CEP120: variants seen among roughly 807,000 people sequenced by gnomAD.
CEP120 encodes the protein centrosomal protein 120.
In CEP120, 113 loss-of-function variants were observed where a neutral mutation model predicts 126.5. That is an observed-to-expected ratio of 0.89 (90% CI 0.77 to 1.04). The LOEUF (loss-of-function observed/expected upper bound fraction) is 1.04, where lower values mean the gene tolerates loss of function less well. Among genes scored for constraint, CEP120 ranks in the 50% least tolerant of loss-of-function variants. CEP120 has a pLI of 0.00. For synonymous variants in CEP120, 400 were observed against 394.3 expected, an observed-to-expected ratio of 1.01 and a Z score of -0.17; for missense variants, 1,230 against 1,155.7, an observed-to-expected ratio of 1.06 and a Z score of -0.93.
chr5:123,386,680 A>T lies in CEP120; in HGVS notation c.1431-13T>A, dbSNP rs1284785591. On this transcript the variant is annotated splice_polypyrimidine_tract_variant and intron_variant, in intron 9 of 19. Transcript: ENST00000306467. ...TGGATATGAGTACCTAGAATTTAAA[A>T]AAAAAAAAAAAAAAAAAAGCCTTAA... 1.5e-5 allele frequency: 20 copies of T among 1,298,408 alleles called. No individual in the cohort carries two copies. In the African/African-American group the frequency reaches 2.5e-4, roughly 16 times the overall value. The allele number at this position is 1,298,408 out of a possible 1,614,324, so 80.4% of individuals were successfully genotyped here.
rs1233870218 is a variant in CEP120 at position 123,344,928 on chromosome 5, A to T, written c.*1591T>A. On this transcript the variant is annotated 3_prime_UTR_variant, in exon 20 of 20. Transcript: ENST00000306467. Reference sequence around the variant, plus strand: ...ATGATTTTATTTGTTAAGTTACAATAGCCAAAAGAGCTTTACAAAAGGCAA... The same window carrying T: ...ATGATTTTATTTGTTAAGTTACAATTGCCAAAAGAGCTTTACAAAAGGCAA... The T allele has an allele frequency of 6.6e-6, 1 of 152,192 alleles. No homozygotes were observed. Among genetic ancestry groups the T allele is most frequent in the African/African-American group, 2.4e-5 (1 of 41,456 alleles). 9.4% of individuals were successfully genotyped at this position (152,192 alleles called of 1,614,324 possible).
chr5:123,378,974 T>A (rs1027448353), intron 14 of CEP120, among the ~76,000 whole-genome samples: 2 of 150,982 alleles, frequency 1.3e-5, no homozygotes, highest in Non-Finnish European at 2.9e-5. Flanking sequence ...GAATCTAGCA[T>A]GAAAATTAGG....
intron 4 of CEP120, chr5:123,402,078 G>A (rs994577871): frequency 3.2e-6 from 5 of 1,583,860 alleles, no homozygotes; most frequent in East Asian, 2.2e-5. Flanking sequence ...CTTCTCCTGG[G>A]TGCACACAGC....
In CEP120 at chr5:123,346,711, C is replaced by G. The variant is rs1411996197; in HGVS notation, c.2769G>C (p.Glu923Asp). ...QEQKQYQDST[E>D]IASGKKDGPH... ...GGCCATCCTTTTTTCCACTTGCAATCTCTGTGGAATCCTGGTATTGTTTTT... is the reference window on the plus strand; with the variant it reads ...GGCCATCCTTTTTTCCACTTGCAATGTCTGTGGAATCCTGGTATTGTTTTT... Residue 923 changes from glutamate (E) to aspartate (D), a missense_variant, in exon 20 of 20, where the codon GAG (glutamate) becomes GAC (aspartate). By Grantham distance (45) the Glu-to-Asp change is conservative. Coordinates refer to ENST00000306467, the MANE Select transcript of CEP120 (RefSeq NM_001375405.1). 1 of 1,613,108 alleles carries G rather than the reference C, an allele frequency of 6.2e-7. No homozygotes were observed. Among genetic ancestry groups the G allele is most frequent in the Non-Finnish European group, 8.5e-7 (1 of 1,179,746 alleles).
In CEP120 at chr5:123,390,057, T is replaced by C. The variant is rs372737011; in HGVS notation, c.1122A>G (p.Thr374=). The change falls in exon 8 of 20, where the codon ACA becomes ACG. Residue 374 remains threonine, a synonymous_variant. Coordinates refer to ENST00000306467, the MANE Select transcript of CEP120 (RefSeq NM_001375405.1). ...KKVLTPIKEK[T]LTGPKSPTVS... ...CTGTTGGTGATTTTGGCCCAGTAAG[T>C]GTCTTCTCCTTTATGGGGGTTAAAA... 3.7e-6 allele frequency: 6 copies of C among 1,613,976 alleles called. No homozygotes were observed. Among genetic ancestry groups the C allele is most frequent in the African/African-American group, 1.3e-5 (1 of 74,934 alleles).
At chr5:123,362,059 G>C (rs1410593268) in intron 18 of CEP120, among the ~76,000 whole-genome samples, 6 of 151,656 alleles carry the variant, frequency 4.0e-5, no homozygotes, top group South Asian at 2.1e-4. Flanking sequence ...TTCTGATGGA[G>C]TTTATATCTT....
intron 4 of CEP120, among the ~76,000 whole-genome samples, chr5:123,411,919 G>C (rs1372069093): frequency 1.3e-5 from 2 of 152,224 alleles, no homozygotes; most frequent in Non-Finnish European, 2.9e-5. Flanking sequence ...CATGTTGACA[G>C]CAAGAGAGGC....
chr5:123,386,130 A>G (rs1276379447), intron 10 of CEP120, among the ~76,000 whole-genome samples: 1 of 152,232 alleles, frequency 6.6e-6, no homozygotes, highest in Non-Finnish European at 1.5e-5. Flanking sequence ...TTAAAAAAAC[A>G]GAAAAAGCAA....
Position 123,349,972 on chromosome 5 carries a change from A to T in CEP120, c.2698T>A (p.Leu900Met), listed in dbSNP as rs750575622. The T allele has an allele frequency of 6.2e-7, 1 of 1,613,756 alleles. No individual in the cohort carries two copies. The highest frequency in any genetic ancestry group is 8.5e-7 in the Non-Finnish European group (1 of 1,179,868). Residue 900 changes from leucine (L) to methionine (M), a missense_variant, in exon 19 of 20, where the codon TTG becomes ATG. Leu to Met is a conservative substitution (Grantham distance 15, BLOSUM62 2). Coordinates refer to ENST00000306467, the MANE Select transcript of CEP120 (RefSeq NM_001375405.1). ...KDTVKTERQE[L>M]LDIRNELNRL... Reference sequence around the variant, plus strand: ...TTCAATTCATTTCTTATATCCAACAATTCTTGTCGCTCGGTTTTTACTGTA... The same window carrying T: ...TTCAATTCATTTCTTATATCCAACATTTCTTGTCGCTCGGTTTTTACTGTA...
rs1771323423 is a variant in CEP120 at position 123,377,520 on chromosome 5, T to G, written c.2212A>C (p.Lys738Gln). The change falls in exon 16 of 20, where the codon AAG (lysine) becomes CAG (glutamine). Residue 738 changes from lysine to glutamine, a missense_variant. Physicochemically the swap from Lys to Gln is moderately conservative, Grantham distance 53. Coordinates refer to ENST00000306467, the MANE Select transcript of CEP120 (RefSeq NM_001375405.1). ...CGCTGACGTTCTGATTGCAGTTCCT[T>G]TTTTTCTCTTTGAAGCTTAAAACAA... ...SVESELQREK[K>Q]ELQSERQRNL... The G allele has an allele frequency of 6.3e-7, 1 of 1,583,714 alleles. No individual in the cohort carries two copies. The highest frequency in any genetic ancestry group is 1.4e-5 in the African/African-American group (1 of 72,722).
chr5:123,376,750 G>C (rs1161233861), intron 16 of CEP120, among the ~76,000 whole-genome samples: 1 of 152,048 alleles, frequency 6.6e-6, no homozygotes, highest in Non-Finnish European at 1.5e-5. Flanking sequence ...TAAGGTCTTG[G>C]ATATGACCCT....
At position 123,390,050 on chromosome 5, in the gene CEP120, C is replaced by T. The variant is rs370814149; in HGVS notation, c.1129G>A (p.Gly377Arg). 18 of 1,613,978 alleles carry T rather than the reference C, an allele frequency of 1.1e-5. No homozygotes were observed. The African/African-American group carries it at 2.4e-4, about 22-fold the overall frequency. The change falls in exon 8 of 20, where the codon GGG becomes AGG. Residue 377 changes from glycine to arginine, a missense_variant. Gly to Arg is a moderately radical substitution (Grantham distance 125). Coordinates refer to ENST00000306467, the MANE Select transcript of CEP120 (RefSeq NM_001375405.1). ...LTPIKEKTLT[G>R]PKSPTVSPVP... ...GGGGACACTGTTGGTGATTTTGGCCCAGTAAGTGTCTTCTCCTTTATGGGG... is the reference window on the plus strand; with the variant it reads ...GGGGACACTGTTGGTGATTTTGGCCTAGTAAGTGTCTTCTCCTTTATGGGG...
At chr5:123,400,263 A>G (rs572221053) in intron 4 of CEP120, among the ~76,000 whole-genome samples, 1 of 152,258 alleles carries the variant, frequency 6.6e-6, no homozygotes, top group Admixed American at 6.5e-5. Context: ...TGCACAGGGA[A>G]CCCATATCCA....
At chr5:123,371,710 T>C (rs1321508417) in intron 17 of CEP120, among the ~76,000 whole-genome samples, 2 of 151,824 alleles carry the variant, frequency 1.3e-5, no homozygotes, top group African/African-American at 4.8e-5. Context: ...ATAAAGGAAG[T>C]AGAGAGAGAT....
At chr5:123,401,213 C>A in intron 4 of CEP120, 2 of 1,612,868 alleles carry the variant, frequency 1.2e-6, no homozygotes, top group Non-Finnish European at 8.5e-7. Context: ...TGACGTTCAT[C>A]AGCTCCTGGT....
At chr5:123,380,760 A>G (rs1771583294) in intron 14 of CEP120, among the ~76,000 whole-genome samples, 1 of 152,124 alleles carries the variant, frequency 6.6e-6, no homozygotes, top group African/African-American at 2.4e-5. Context: ...GGCTAGGTTA[A>G]AAATTTTAAA....
At chr5:123,372,116 G>C (rs1007385787) in intron 17 of CEP120, among the ~76,000 whole-genome samples, 2 of 152,056 alleles carry the variant, frequency 1.3e-5, no homozygotes, top group African/African-American at 4.8e-5. Flanking sequence ...CTTCTTCCTA[G>C]CTGAGAGCTA....
intron 1 of CEP120, 85 bp from the exon 2 acceptor site, chr5:123,418,600 T>G (rs1774519649): frequency 8.6e-6 from 1 of 116,198 alleles, no homozygotes; most frequent in Non-Finnish European, 1.2e-5. Context: ...GTTTGGCTGG[T>G]TTTTTTTTTT....
chr5:123,402,242 G>A, intron 4 of CEP120: 6 of 1,498,536 alleles, frequency 4.0e-6, no homozygotes, highest in Non-Finnish European at 5.5e-6. Flanking sequence ...AGCTTGAGGA[G>A]CTGATGTGGG....
Sources: gnomAD v4.1 joint callset for allele counts (sites outside exome capture counted in the v4.1 genomes callset) on GRCh38, gnomAD v4.1.1 for gene constraint, MANE v1.5 for transcripts, NCBI Gene and HGNC (gene_info 2026-07-23, HGNC 2026-07-21) for gene names.